Variants in MIER1 observed in about 807,000 individuals in gnomAD.
MIER1 encodes the protein mesoderm induction early response protein 1.
In MIER1, 40 loss-of-function variants were observed where a neutral mutation model predicts 75.7. The observed-to-expected ratio is 0.53, with a 90% CI of 0.41 to 0.69. The LOEUF (loss-of-function observed/expected upper bound fraction) is 0.69, where lower values mean the gene tolerates loss of function less well. MIER1 is among the 30% of genes least tolerant of loss of function. MIER1 has a pLI of 0.00. For missense variants in MIER1, 574 were observed against 680.2 expected (o/e 0.84, Z 1.74); for synonymous variants, 213 against 223.4 (o/e 0.95, Z 0.42).
In MIER1 at chr1:66,987,074, G is replaced by A. The variant is rs1405995099; in HGVS notation, c.*2174G>A. On this transcript the variant is annotated 3_prime_UTR_variant, in exon 14 of 14. Coordinates refer to ENST00000401041, the MANE Select transcript of MIER1 (RefSeq NM_001077700.3). ...GCATGTTTGCAAAAATATGGCACAT[G>A]TATACATTTTAGGAAATGTTACTTT... The A allele has an allele frequency of 5.5e-4, 84 of 152,424 alleles. No individual in the cohort carries two copies. Among genetic ancestry groups the A allele is most frequent in the Admixed American group, 5.4e-3 (83 of 15,280 alleles). The allele number at this position is 152,424 out of a possible 1,614,324, so 9.4% of individuals were successfully genotyped here.
At chr1:66,938,436 T>C (rs1220617472) in intron 2 of MIER1, among the ~76,000 whole-genome samples, 3 of 152,192 alleles carry the variant, frequency 2.0e-5, no homozygotes, top group African/African-American at 7.2e-5. Context: ...TCATTAACAT[T>C]GCTTGTAGCC....
chr1:66,959,646 CATTTT>C (rs1381927716), intron 6 of MIER1, 28 bp from the exon 7 acceptor site: 1 of 1,044,832 alleles, frequency 9.6e-7, no homozygotes, highest in Non-Finnish European at 1.4e-6. Context: ...GATAAGCAGT[CATTTT>C]ATAGTATTGG....
At chr1:66,975,730 A>C (rs1208473960) in intron 11 of MIER1, among the ~76,000 whole-genome samples, 2 of 152,154 alleles carry the variant, frequency 1.3e-5, no homozygotes, top group Non-Finnish European at 2.9e-5. Flanking sequence ...ACAAATAGGT[A>C]CAGCACAGTA....
At chr1:66,931,058 T>G (rs1260199623) in intron 2 of MIER1, among the ~76,000 whole-genome samples, 2 of 146,100 alleles carry the variant, frequency 1.4e-5, no homozygotes, top group South Asian at 2.3e-4. Flanking sequence ...TTTCCAGGCT[T>G]CCCCCCACCC....
At chr1:66,968,058 G>T (rs1313363304) in intron 8 of MIER1, among the ~76,000 whole-genome samples, 3 of 152,012 alleles carry the variant, frequency 2.0e-5, no homozygotes, top group African/African-American at 7.2e-5. Flanking sequence ...ATTTTAACAT[G>T]ATTTTAGAAA....
At position 66,985,035 on chromosome 1, in the gene MIER1, G is replaced by A. The variant is rs1666598578; in HGVS notation, c.*135G>A. On this transcript the variant is annotated 3_prime_UTR_variant, in exon 14 of 14. Transcript: ENST00000401041. ...GAATTGAGTCTTAACTTTAGGAAATGAGGTTTCATAATTCTGCCTTTTGCA... is the reference window on the plus strand; with the variant it reads ...GAATTGAGTCTTAACTTTAGGAAATAAGGTTTCATAATTCTGCCTTTTGCA... 4 of 1,384,666 alleles carry A rather than the reference G, an allele frequency of 2.9e-6. No individual in the cohort carries two copies. Among genetic ancestry groups the A allele is most frequent in the South Asian group, 1.9e-5 (1 of 53,466 alleles). The allele number at this position is 1,384,666 out of a possible 1,614,324, so 85.8% of individuals were successfully genotyped here. A position where few individuals can be genotyped will look rare whatever the true frequency, so the allele number is the denominator to read the frequency against.
At chr1:66,980,462 A>G (rs541844763) in intron 12 of MIER1, among the ~76,000 whole-genome samples, 103 of 152,166 alleles carry the variant, frequency 6.8e-4, no homozygotes, top group Non-Finnish European at 1.4e-3. Flanking sequence ...TCACATCCCT[A>G]TATTTGTTAA....
chr1:66,966,050 T>A (rs1375723942), intron 8 of MIER1, among the ~76,000 whole-genome samples: 2 of 152,310 alleles, frequency 1.3e-5, no homozygotes, highest in African/African-American at 2.4e-5. Context: ...ATTTTTTTTT[T>A]TATACTTTAA....
chr1:66,929,664 C>CT (rs1484093229), intron 2 of MIER1, among the ~76,000 whole-genome samples: 2 of 152,186 alleles, frequency 1.3e-5, no homozygotes, highest in Non-Finnish European at 2.9e-5. Context: ...AACTGTGTTG[C>CT]TACCGGCATG....
At position 66,955,707 on chromosome 1, in the gene MIER1, C is replaced by T. The variant is rs537305469; in HGVS notation, c.340-2352C>T. 1.8e-3 allele frequency among the ~76,000 whole-genome samples: 272 copies of T among 152,206 alleles called. 2 individuals carry two copies. The highest frequency in any genetic ancestry group is 6.5e-3 in the African/African-American group (271 of 41,534). On this transcript the variant is annotated intron_variant, in intron 4 of 13. Transcript: ENST00000401041. ...AATAATGAAACAAGCTTTTCATGAA[C>T]TCTTAAGGCCTATGTAAATTTCAGT...
rs1667063921 is a variant in MIER1 at position 66,988,563 on chromosome 1, T to C, written c.*3663T>C. 6.6e-6 allele frequency: 1 copy of C among 152,164 alleles called. No individual in the cohort carries two copies. The highest frequency in any genetic ancestry group is 6.5e-5 in the Admixed American group (1 of 15,274). The allele number at this position is 152,164 out of a possible 1,614,324, so 9.4% of individuals were successfully genotyped here. A position where few individuals can be genotyped will look rare whatever the true frequency, so the allele number is the denominator to read the frequency against. On this transcript the variant is annotated 3_prime_UTR_variant, in exon 14 of 14. Transcript: ENST00000401041. ...AATATGATTATTTTCAATTTGTCTT[T>C]AGTTAGTATAAAGAATTATAGAATG...
At chr1:66,961,092 T>TA (rs1661170193) in intron 7 of MIER1, among the ~76,000 whole-genome samples, 4 of 152,162 alleles carry the variant, frequency 2.6e-5, no homozygotes, top group Admixed American at 2.6e-4. Context: ...GAAAGGGTAT[T>TA]AATTAACCAC....
intron 13 of MIER1, 129 bp downstream of exon 13, chr1:66,982,047 C>CA: frequency 1.2e-6 from 1 of 844,210 alleles, no homozygotes; most frequent in Admixed American, 2.4e-5. Flanking sequence ...ACACATGAGA[C>CA]AAACATAACA....
intron 4 of MIER1, among the ~76,000 whole-genome samples, chr1:66,949,553 G>A (rs546858020): frequency 7.2e-5 from 11 of 152,252 alleles, no homozygotes; most frequent in Admixed American, 4.6e-4. Flanking sequence ...ATTCTTCTCT[G>A]ACTTCTCCCA....
intron 1 of MIER1, 89 bp downstream of exon 1, chr1:66,925,184 CT>C: frequency 6.8e-7 from 1 of 1,468,872 alleles, no homozygotes; most frequent in Non-Finnish European, 9.0e-7. Flanking sequence ...CCTTTCTCTC[CT>C]TCCCCTCCCC....
intron 2 of MIER1, 27 bp downstream of exon 2, chr1:66,926,269 A>G (rs1356856940): frequency 6.6e-7 from 1 of 1,523,804 alleles, no homozygotes; most frequent in South Asian, 1.1e-5. Context: ...TTGGAGATTA[A>G]GGGAGGGAAA....
intron 4 of MIER1, among the ~76,000 whole-genome samples, chr1:66,952,770 T>C (rs1469097163): frequency 6.6e-6 from 1 of 152,172 alleles, no homozygotes; most frequent in Non-Finnish European, 1.5e-5. Flanking sequence ...GCCCCCCTAG[T>C]AGCTGGGACT....
At chr1:66,973,274 A>G (rs1168677656) in intron 11 of MIER1, among the ~76,000 whole-genome samples, 1 of 152,072 alleles carries the variant, frequency 6.6e-6, no homozygotes, top group Non-Finnish European at 1.5e-5. Flanking sequence ...GTGCAATGCA[A>G]TTCTTTATAG....
intron 2 of MIER1, among the ~76,000 whole-genome samples, chr1:66,935,777 G>A (rs1041519590): frequency 4.6e-5 from 7 of 151,968 alleles, no homozygotes; most frequent in Non-Finnish European, 1.0e-4. Context: ...CCCAGTTTAC[G>A]CCCTGTTCTA....
Sources: gnomAD v4.1 joint callset for allele counts (sites outside exome capture counted in the v4.1 genomes callset) on GRCh38, gnomAD v4.1.1 for gene constraint, MANE v1.5 for transcripts, NCBI Gene and HGNC (gene_info 2026-07-23, HGNC 2026-07-21) for gene names.